CNBD2: variants seen among roughly 807,000 people sequenced by gnomAD.
The protein encoded by CNBD2 is cyclic nucleotide binding domain containing 2, also known as cyclic nucleotide-binding domain-containing protein 2.
A neutral mutation model predicts 63.7 loss-of-function variants in CNBD2; 64 were observed. That is an observed-to-expected ratio of 1.00 (90% CI 0.82 to 1.24). The LOEUF (loss-of-function observed/expected upper bound fraction) is 1.24, where lower values mean the gene tolerates loss of function less well. Among genes scored for constraint, CNBD2 ranks in the 50% most tolerant of loss-of-function variants. CNBD2 has a pLI of 0.00. For missense variants in CNBD2, 691 were observed against 713.5 expected (o/e 0.97, Z 0.36); for synonymous variants, 229 against 255.4 (o/e 0.90, Z 0.99).
chr20:35,960,945 G>A (rs1339414933), intron 2 of CNBD2, among the ~76,000 whole-genome samples: 1 of 136,492 alleles, frequency 7.3e-6, no homozygotes, highest in Non-Finnish European at 1.5e-5. Flanking sequence ...CCCTCCTCCC[G>A]CTTTTTCTTT....
At chr20:35,968,944 G>A in intron 1 of CNBD2, 131 bp downstream of exon 1, 1 of 672,564 alleles carries the variant, frequency 1.5e-6, no homozygotes, top group Non-Finnish European at 2.6e-6. Context: ...TGGAGTCACA[G>A]CATGGCACAA....
intron 10 of CNBD2, among the ~76,000 whole-genome samples, chr20:36,022,195 CTTTTTTT>C (rs753206662): frequency 2.5e-4 from 14 of 56,310 alleles, no homozygotes; most frequent in South Asian, 2.2e-3. Flanking sequence ...TTTTTTTTTT[CTTTTTTT>C]TTTTTTTTTT....
At position 36,003,889 on chromosome 20, in the gene CNBD2, AT is replaced by A. The variant is rs747075062; in HGVS notation, c.971-4407del. Among the ~76,000 whole-genome samples the A allele has an allele frequency of 2.6e-5, 4 of 151,404 alleles. No individual in the cohort carries two copies. In the South Asian group the frequency reaches 6.3e-4, roughly 24 times the overall value. On this transcript the variant is annotated intron_variant, in intron 8 of 11. Coordinates refer to ENST00000373973, the MANE Select transcript of CNBD2 (RefSeq NM_001365709.1). The stretch of plus-strand genomic sequence containing the variant: ...GACTCCATCTGAAAAAAAAAAAAAA[AT>A]CTCTTGAGGTTGCCATTGTCAGCCA...
chr20:36,020,866 G>A (rs2057198341), intron 10 of CNBD2, among the ~76,000 whole-genome samples: 1 of 152,110 alleles, frequency 6.6e-6, no homozygotes, highest in Non-Finnish European at 1.5e-5. Flanking sequence ...ACCCTCAGCA[G>A]CTTCAGAGGA....
chr20:36,006,002 A>G (rs1158423115), intron 8 of CNBD2, among the ~76,000 whole-genome samples: 1 of 152,080 alleles, frequency 6.6e-6, no homozygotes, highest in African/African-American at 2.4e-5. Context: ...ATTAATTTGA[A>G]GAGTTGATTC....
intron 7 of CNBD2, among the ~76,000 whole-genome samples, chr20:35,992,242 T>C (rs1341811327): frequency 6.6e-6 from 1 of 152,090 alleles, no homozygotes; most frequent in Non-Finnish European, 1.5e-5. Context: ...TCCAAAACTC[T>C]AGGAGGAAGG....
chr20:35,995,320 C>T (rs2056810453), intron 8 of CNBD2, among the ~76,000 whole-genome samples, 168 bp downstream of exon 8: 1 of 151,410 alleles, frequency 6.6e-6, no homozygotes, highest in African/African-American at 2.5e-5. Flanking sequence ...GCCCTCCTTT[C>T]CAGCCTTTTT....
chr20:35,969,853 A>C (rs1325409132), intron 1 of CNBD2, among the ~76,000 whole-genome samples: 1 of 152,264 alleles, frequency 6.6e-6, no homozygotes, highest in Non-Finnish European at 1.5e-5. Context: ...TGAAGTACAC[A>C]CATCCTCAAC....
In CNBD2 at chr20:36,020,638, G is replaced by A. The variant is rs963420513; in HGVS notation, c.1270-2964G>A. Among the ~76,000 whole-genome samples the A allele has an allele frequency of 3.3e-5, 5 of 152,142 alleles. No individual in the cohort carries two copies. The East Asian group carries it at 5.8e-4, about 18-fold the overall frequency. ...TTCCTGAACCTCATTTTCCACATCT[G>A]AGGATAACCCCCACATGCTAGGATG... is the stretch of plus-strand genomic sequence containing the variant. On this transcript the variant is annotated intron_variant, in intron 10 of 11. Transcript: ENST00000373973.
chr20:36,019,637 G>T (rs1032267397), intron 10 of CNBD2, among the ~76,000 whole-genome samples: 3 of 151,796 alleles, frequency 2.0e-5, no homozygotes, highest in African/African-American at 7.3e-5. Flanking sequence ...GGGAGGAGGC[G>T]TGTTGGGGGG....
chr20:35,975,226 C>T (rs978901418), intron 2 of CNBD2, among the ~76,000 whole-genome samples: 1 of 136,646 alleles, frequency 7.3e-6, no homozygotes, highest in Non-Finnish European at 1.5e-5. Context: ...TGGTCTCGAT[C>T]TCCTGACCTC....
chr20:36,011,251 A>G lies in CNBD2; in HGVS notation c.1263A>G (p.Glu421=). 6.4e-7 allele frequency: 1 copy of G among 1,555,032 alleles called. No homozygotes were observed. The change falls in exon 10 of 12, where the codon GAA becomes GAG. Residue 421 remains glutamate (E), a synonymous_variant. Coordinates refer to ENST00000373973, the MANE Select transcript of CNBD2 (RefSeq NM_001365709.1). The part of the protein sequence containing the change: ...YVKVHTVEQG[E]ILGLHQAFLP... ...AGGTGCACACTGTGGAGCAGGGAGAAATTTTGGTGAGTGTGCCAAGAGCTC... is the reference window on the plus strand; with the variant it reads ...AGGTGCACACTGTGGAGCAGGGAGAGATTTTGGTGAGTGTGCCAAGAGCTC...
chr20:35,956,217 A>C (rs2056255408), downstream of CNBD2, among the ~76,000 whole-genome samples: 3 of 152,194 alleles, frequency 2.0e-5, no homozygotes, highest in South Asian at 6.2e-4. Context: ...TTTCCTTTGG[A>C]TGGGTAGAAG....
At chr20:35,996,779 A>T (rs544105959) in intron 8 of CNBD2, among the ~76,000 whole-genome samples, 12 of 152,094 alleles carry the variant, frequency 7.9e-5, no homozygotes, top group Non-Finnish European at 1.6e-4. Context: ...GAGTGTTGGG[A>T]TTACAGGCAT....
At chr20:35,995,742 T>C (rs941393434) in intron 8 of CNBD2, among the ~76,000 whole-genome samples, 3 of 152,206 alleles carry the variant, frequency 2.0e-5, no homozygotes, top group Admixed American at 6.5e-5. Flanking sequence ...TGTATGCAAG[T>C]TTTTGTGTGA....
chr20:36,016,671 C>A (rs1025090125), intron 10 of CNBD2, among the ~76,000 whole-genome samples: 1 of 151,736 alleles, frequency 6.6e-6, no homozygotes, highest in Non-Finnish European at 1.5e-5. Flanking sequence ...CACCTGTAAC[C>A]CCAGGTACTC....
At chr20:35,975,801 A>T (rs990736639) in intron 2 of CNBD2, 148 bp from the exon 3 acceptor site, 2 of 610,970 alleles carry the variant, frequency 3.3e-6, no homozygotes, top group Admixed American at 5.4e-5. Flanking sequence ...CTTCGAGCAG[A>T]GGCAGGCCTG....
intron 9 of CNBD2, among the ~76,000 whole-genome samples, chr20:36,009,446 C>T (rs2057029098): frequency 6.6e-6 from 1 of 151,852 alleles, no homozygotes; most frequent in African/African-American, 2.4e-5. Flanking sequence ...TCGTGATCCG[C>T]CCACCTCGGC....
At chr20:36,025,454 T>C (rs2590964) in intron 11 of CNBD2, among the ~76,000 whole-genome samples, 52,920 of 151,848 alleles carry the variant, frequency 0.35, 13,528 homozygotes, top group African/African-American at 0.72. Context: ...CCCACCTCAG[T>C]CTCCTGAGTA....
Sources: gnomAD v4.1 joint callset for allele counts (sites outside exome capture counted in the v4.1 genomes callset) on GRCh38, gnomAD v4.1.1 for gene constraint, MANE v1.5 for transcripts, NCBI Gene and HGNC (gene_info 2026-07-23, HGNC 2026-07-21) for gene names.